Variants in FGF12 observed in about 807,000 individuals in gnomAD.
FGF12 encodes fibroblast growth factor 12B.
In FGF12, 14 loss-of-function variants were observed where a neutral mutation model predicts 23.6. The observed-to-expected ratio is 0.59, with a 90% CI of 0.39 to 0.93. The LOEUF (loss-of-function observed/expected upper bound fraction) is 0.93. FGF12 is among the 40% of genes least tolerant of loss of function. The probability of loss-of-function intolerance (pLI) is 0.00; values close to 1 mark genes in which losing one functional copy is unlikely to be tolerated. For missense variants in FGF12, 175 were observed against 217.8 expected, an observed-to-expected ratio of 0.80 and a Z score of 1.24; for synonymous variants, 62 against 77.3, an observed-to-expected ratio of 0.80 and a Z score of 1.04.
intron 4 of FGF12, among the ~76,000 whole-genome samples, chr3:192,292,267 A>G (rs1714796667): frequency 6.6e-6 from 1 of 151,982 alleles, no homozygotes; most frequent in African/African-American, 2.4e-5. Context: ...GTGGCATTTT[A>G]TTGGTCATTG....
intron 2 of FGF12, among the ~76,000 whole-genome samples, chr3:192,404,949 G>A (rs1720904779): frequency 6.6e-6 from 1 of 152,132 alleles, no homozygotes; most frequent in African/African-American, 2.4e-5. Flanking sequence ...AATACCAATG[G>A]TTAAAACTTT....
chr3:192,269,240 A>T (rs1308656724), intron 4 of FGF12, among the ~76,000 whole-genome samples: 1 of 152,220 alleles, frequency 6.6e-6, no homozygotes, highest in Non-Finnish European at 1.5e-5. Context: ...ATTTTTAAAT[A>T]GTGAAAGCCA....
At chr3:192,449,441 G>A (rs1214812676) in intron 2 of FGF12, among the ~76,000 whole-genome samples, 6 of 152,146 alleles carry the variant, frequency 3.9e-5, no homozygotes. Context: ...ATCTCCCAAT[G>A]TGGACACCAT....
intron 2 of FGF12, among the ~76,000 whole-genome samples, chr3:192,663,226 A>G (rs906482917): frequency 5.9e-5 from 9 of 152,364 alleles, no homozygotes; most frequent in East Asian, 5.8e-4. Context: ...TATAAAATGA[A>G]AAGAGTACCA....
intron 2 of FGF12, among the ~76,000 whole-genome samples, chr3:192,518,516 A>T (rs1175675443): frequency 2.6e-5 from 4 of 152,192 alleles, no homozygotes; most frequent in Non-Finnish European, 5.9e-5. Flanking sequence ...ATTAATCAGT[A>T]TATTTATCTG....
At chr3:192,163,864 C>T (rs1158182380) in intron 5 of FGF12, among the ~76,000 whole-genome samples, 1 of 126,410 alleles carries the variant, frequency 7.9e-6, no homozygotes, top group Non-Finnish European at 1.8e-5. Context: ...TTAGTACTGT[C>T]TCCCCACTAC....
At chr3:192,574,847 A>G (rs1712804289) in intron 2 of FGF12, among the ~76,000 whole-genome samples, 1 of 152,178 alleles carries the variant, frequency 6.6e-6, no homozygotes, top group South Asian at 2.1e-4. Context: ...CTTAACAGCA[A>G]TCTCATGAGA....
In FGF12 at chr3:192,265,048, T is replaced by C. The variant is rs577263817; in HGVS notation, c.228+70313A>G. On this transcript the variant is annotated intron_variant, in intron 4 of 5. Coordinates refer to ENST00000445105, the MANE Select transcript of FGF12 (RefSeq NM_004113.6). ...AAGTCAAACTTCAGGGACTTTTTCA[T>C]ATTTTTTAATCAAAAAGGGAACCAT... Among the ~76,000 whole-genome samples the C allele has an allele frequency of 2.2e-3, 335 of 152,266 alleles. 3 individuals carry two copies. The highest frequency in any genetic ancestry group is 7.5e-3 in the African/African-American group (312 of 41,568).
At chr3:192,606,047 C>A (rs992236574) in intron 2 of FGF12, among the ~76,000 whole-genome samples, 2 of 152,172 alleles carry the variant, frequency 1.3e-5, no homozygotes, top group South Asian at 4.1e-4. Flanking sequence ...ATAAATTATT[C>A]TACCAAAAAG....
At chr3:192,607,761 C>G (rs370480972) in intron 2 of FGF12, among the ~76,000 whole-genome samples, 4 of 148,746 alleles carry the variant, frequency 2.7e-5, no homozygotes, top group African/African-American at 1.0e-4. Context: ...ATAAAAAGTT[C>G]GTTGGTGGAA....
In FGF12 at chr3:192,721,036, G is replaced by T. The variant is rs76623067; in HGVS notation, c.13+6145C>A. On this transcript the variant is annotated intron_variant, in intron 2 of 5. Transcript: ENST00000445105. The stretch of plus-strand genomic sequence containing the variant: ...AGAGACAAATTCAGGTGTTGGAGAC[G>T]TTACTATTAAAACTGTAGAATAAGC... Among the ~76,000 whole-genome samples, 40 of 152,240 alleles carry T rather than the reference G, an allele frequency of 2.6e-4. No individual in the cohort carries two copies. The East Asian group carries it at 6.9e-3, about 26-fold the overall frequency.
intron 2 of FGF12, among the ~76,000 whole-genome samples, chr3:192,525,436 T>G (rs1724918247): frequency 6.6e-6 from 1 of 152,208 alleles, no homozygotes. Context: ...TGCTAACTTA[T>G]CTCCAATCAG....
chr3:192,517,807 A>G (rs1724711133), intron 2 of FGF12, among the ~76,000 whole-genome samples: 1 of 152,168 alleles, frequency 6.6e-6, no homozygotes, highest in East Asian at 1.9e-4. Context: ...AGGCTCTTAC[A>G]CTTATCAGGA....
At chr3:192,695,440 C>T (rs545428735) in intron 2 of FGF12, among the ~76,000 whole-genome samples, 134 of 152,260 alleles carry the variant, frequency 8.8e-4, no homozygotes, top group African/African-American at 2.8e-3. Flanking sequence ...TGTACATATA[C>T]GTGAATTCTG....
intron 4 of FGF12, among the ~76,000 whole-genome samples, chr3:192,234,282 G>A (rs1338063898): frequency 2.0e-5 from 3 of 152,144 alleles, no homozygotes; most frequent in Non-Finnish European, 2.9e-5. Flanking sequence ...CTGGTTAGCT[G>A]TCTTCCTAGG....
intron 4 of FGF12, among the ~76,000 whole-genome samples, chr3:192,229,824 A>G (rs1301801430): frequency 1.3e-5 from 2 of 152,150 alleles, no homozygotes; most frequent in East Asian, 1.9e-4. Flanking sequence ...AAGCTCTTGC[A>G]CTATGTTTAC....
At chr3:192,653,914 CG>C (rs1484552550) in intron 2 of FGF12, among the ~76,000 whole-genome samples, 1 of 151,998 alleles carries the variant, frequency 6.6e-6, no homozygotes, top group African/African-American at 2.4e-5. Flanking sequence ...TCAGTAGAGA[CG>C]GGGTTTCACC....
intron 2 of FGF12, among the ~76,000 whole-genome samples, chr3:192,695,542 A>G (rs4687353): frequency 0.49 from 74,073 of 152,046 alleles, 18,567 homozygotes; most frequent in East Asian, 0.82. Flanking sequence ...GTAGGTTCAC[A>G]GGAAATGTCT....
intron 2 of FGF12, among the ~76,000 whole-genome samples, chr3:192,590,947 C>G (rs549540715): frequency 6.6e-6 from 1 of 151,780 alleles, no homozygotes; most frequent in African/African-American, 2.4e-5. Flanking sequence ...CTGAATAGTT[C>G]TCTCTCTCCC....
Sources: gnomAD v4.1 joint callset for allele counts (sites outside exome capture counted in the v4.1 genomes callset) on GRCh38, gnomAD v4.1.1 for gene constraint, MANE v1.5 for transcripts, NCBI Gene and HGNC (gene_info 2026-07-23, HGNC 2026-07-21) for gene names.